The following GNA12 variants were observed in gnomAD, a reference collection of about 807,000 sequenced individuals.
The protein encoded by GNA12 is guanine nucleotide-binding protein subunit alpha-12.
GNA12 carries 9 observed loss-of-function variants against 26.0 expected under a neutral mutation model. That is an observed-to-expected ratio of 0.35 (90% CI 0.21 to 0.60). GNA12 has a LOEUF of 0.60. GNA12 is among the 20% of genes least tolerant of loss of function. GNA12 has a pLI of 0.78. For synonymous variants in GNA12, 264 were observed against 219.6 expected, an observed-to-expected ratio of 1.20 and a Z score of -1.79; for missense variants, 405 against 525.8, an observed-to-expected ratio of 0.77 and a Z score of 2.25.
chr7:2,762,694 C>A, intron 2 of GNA12: 1 of 1,577,886 alleles, frequency 6.3e-7, no homozygotes. Context: ...CCACGCTGCC[C>A]GGGTGGAGGA....
rs756186347 is a variant in GNA12 at position 2,801,805 on chromosome 7, C to T, written c.310-6662G>A. ...CTGAAAATCCACATCTGAGTTCCAG[C>T]GAAGTTTTCTACTTGGGGACATTTG... On this transcript the variant is annotated intron_variant, in intron 1 of 3. Transcript: ENST00000275364. Among the ~76,000 whole-genome samples, 23 of 152,220 alleles carry T rather than the reference C, an allele frequency of 1.5e-4. 1 individual carries two copies. Among genetic ancestry groups the T allele is most frequent in the East Asian group, 3.9e-4 (2 of 5,178 alleles).
intron 1 of GNA12, among the ~76,000 whole-genome samples, chr7:2,832,692 T>C (rs1263470199): frequency 2.0e-5 from 3 of 152,202 alleles, no homozygotes; most frequent in African/African-American, 7.2e-5. Flanking sequence ...AAGTTGGTGC[T>C]GTGGACTTCA....
At chr7:2,820,551 A>T (rs977102723) in intron 1 of GNA12, among the ~76,000 whole-genome samples, 14 of 152,268 alleles carry the variant, frequency 9.2e-5, no homozygotes, top group African/African-American at 2.2e-4. Context: ...AAATAAAATT[A>T]AAAAAGCTAA....
chr7:2,738,068 C>A (rs916348139), intron 2 of GNA12, among the ~76,000 whole-genome samples: 2 of 152,096 alleles, frequency 1.3e-5, no homozygotes, highest in African/African-American at 4.8e-5. Context: ...AAAAAGGAAG[C>A]TTTTCAAGTT....
intron 1 of GNA12, chr7:2,815,214 G>C (rs1793190603): frequency 2.7e-6 from 1 of 366,640 alleles, no homozygotes. Context: ...GTGCTCTCAA[G>C]GAGGAAGCCA....
At chr7:2,772,420 C>T (rs968951350) in intron 2 of GNA12, among the ~76,000 whole-genome samples, 11 of 152,132 alleles carry the variant, frequency 7.2e-5, no homozygotes, top group African/African-American at 2.4e-4. Flanking sequence ...ATTAGCCGGG[C>T]GTGGTGGTGG....
intron 2 of GNA12, among the ~76,000 whole-genome samples, chr7:2,743,569 G>A (rs1419679598): frequency 2.0e-5 from 3 of 152,182 alleles, no homozygotes; most frequent in Non-Finnish European, 4.4e-5. Context: ...ATCCAAGATG[G>A]CCGAATAGGA....
At chr7:2,744,385 C>T (rs1021353172) in intron 2 of GNA12, among the ~76,000 whole-genome samples, 50 of 152,196 alleles carry the variant, frequency 3.3e-4, no homozygotes, top group African/African-American at 1.1e-3. Flanking sequence ...CTGCAGCCAC[C>T]GCTGCTGATA....
intron 1 of GNA12, among the ~76,000 whole-genome samples, chr7:2,802,442 T>G (rs1450635464): frequency 6.6e-6 from 1 of 151,656 alleles, no homozygotes; most frequent in Non-Finnish European, 1.5e-5. Context: ...GACCAAAAAC[T>G]GCAAATCCTG....
In GNA12 at chr7:2,759,781, A is replaced by G. The variant is rs193074930; in HGVS notation, c.526-26280T>C. 3.3e-5 allele frequency among the ~76,000 whole-genome samples: 5 copies of G among 152,352 alleles called. No individual in the cohort carries two copies. In the East Asian group the frequency reaches 9.7e-4, roughly 29 times the overall value. On this transcript the variant is annotated intron_variant, in intron 2 of 3. Coordinates refer to ENST00000275364, the MANE Select transcript of GNA12 (RefSeq NM_007353.3). ...AAAACACAGACTGAAGGCCATGAAA[A>G]AAACTGTCCTTAGGGCTGGGCCGCT... is the stretch of plus-strand genomic sequence containing the variant.
chr7:2,811,000 G>A lies in GNA12; in HGVS notation c.310-15857C>T, dbSNP rs146006226. Among the ~76,000 whole-genome samples, 940 of 152,316 alleles carry A rather than the reference G, an allele frequency of 6.2e-3. 5 individuals are homozygous for A. Among genetic ancestry groups the A allele is most frequent in the Middle Eastern group, 0.031 (9 of 294 alleles). The stretch of plus-strand genomic sequence containing the variant: ...TCATTCAACAGGGACACCCAGGCCC[G>A]CAGCTCAGCCTTTGGAGATGGCAAG... On this transcript the variant is annotated intron_variant, in intron 1 of 3. Transcript: ENST00000275364.
intron 2 of GNA12, among the ~76,000 whole-genome samples, chr7:2,776,839 C>G (rs916655105): frequency 1.3e-5 from 2 of 152,092 alleles, no homozygotes; most frequent in African/African-American, 4.8e-5. Context: ...AATCCAGGGA[C>G]TTTGGGAGGC....
In GNA12 at chr7:2,764,219, C is replaced by T. The variant is rs798484; in HGVS notation, c.525+30709G>A. Among the ~76,000 whole-genome samples, 691 of 150,918 alleles carry T rather than the reference C, an allele frequency of 4.6e-3. 4 individuals carry two copies. The highest frequency in any genetic ancestry group is 7.6e-3 in the Non-Finnish European group (517 of 67,788). The stretch of plus-strand genomic sequence containing the variant: ...TCCTGAGTAGCTGGGACCACGGGCA[C>T]GTGCCACCTATCCCCAGCTAATTTC... On this transcript the variant is annotated intron_variant, in intron 2 of 3. Transcript: ENST00000275364.
chr7:2,738,868 G>C (rs1469775542), intron 2 of GNA12, among the ~76,000 whole-genome samples: 1 of 152,204 alleles, frequency 6.6e-6, no homozygotes, highest in Non-Finnish European at 1.5e-5. Context: ...GAATGTGAAA[G>C]TACAGAGGAG....
intron 1 of GNA12, among the ~76,000 whole-genome samples, chr7:2,810,998 C>T (rs534055915): frequency 4.6e-5 from 7 of 152,166 alleles, no homozygotes; most frequent in Admixed American, 6.5e-5. Flanking sequence ...ACACCCAGGC[C>T]CGCAGCTCAG....
chr7:2,765,121 T>C (rs1791748544), intron 2 of GNA12: 1 of 150,390 alleles, frequency 6.6e-6, no homozygotes, highest in Non-Finnish European at 1.5e-5. Context: ...TGGATTAAAA[T>C]CTAAGGGAAA....
At chr7:2,768,011 T>A (rs899129238) in intron 2 of GNA12, among the ~76,000 whole-genome samples, 3 of 152,182 alleles carry the variant, frequency 2.0e-5, no homozygotes, top group African/African-American at 7.2e-5. Context: ...CATGCCACCA[T>A]GCCTGGCTAA....
chr7:2,737,144 A>T (rs961280951), intron 2 of GNA12, among the ~76,000 whole-genome samples: 1 of 152,190 alleles, frequency 6.6e-6, no homozygotes, highest in African/African-American at 2.4e-5. Flanking sequence ...TAAGCGTCTA[A>T]GTAGGGACAG....
At chr7:2,741,889 C>T (rs1412195371) in intron 2 of GNA12, among the ~76,000 whole-genome samples, 4 of 150,652 alleles carry the variant, frequency 2.7e-5, no homozygotes, top group South Asian at 2.1e-4. Flanking sequence ...TATTAGACAC[C>T]GAGGTTTATC....
Sources: allele counts gnomAD v4.1 joint callset (sites outside exome capture counted in the v4.1 genomes callset), GRCh38; gene constraint gnomAD v4.1.1; transcripts MANE v1.5; gene names NCBI Gene and HGNC (gene_info 2026-07-23, HGNC 2026-07-21).